The following TGM6 variants were observed in gnomAD, a reference collection of about 807,000 sequenced individuals.
TGM6 encodes the protein protein-glutamine gamma-glutamyltransferase 6.
Under a neutral mutation model 77.5 loss-of-function variants are expected in TGM6, and 74 were observed. The observed-to-expected ratio is 0.96, with a 90% CI of 0.79 to 1.16. TGM6 has a LOEUF of 1.16. Among genes scored for constraint, TGM6 ranks in the 50% most tolerant of loss-of-function variants. The pLI, the probability that TGM6 is intolerant of heterozygous loss-of-function variation, is 0.00. For synonymous variants in TGM6, 383 were observed against 378.9 expected, an observed-to-expected ratio of 1.01 and a Z score of -0.12; for missense variants, 968 against 940.2, an observed-to-expected ratio of 1.03 and a Z score of -0.39.
intron 5 of TGM6, 149 bp from the exon 6 acceptor site, chr20:2,399,412 C>A: frequency 1.0e-6 from 1 of 975,696 alleles, no homozygotes; most frequent in Non-Finnish European, 1.6e-6. Flanking sequence ...TATTTTAAGG[C>A]AACAGATGCC....
intron 8 of TGM6, 21 bp from the exon 9 acceptor site, chr20:2,403,560 A>G (rs906857263): frequency 1.2e-6 from 2 of 1,614,076 alleles, no homozygotes; most frequent in Non-Finnish European, 1.7e-6. Flanking sequence ...CATGCTGCTC[A>G]TGCCCACCCC....
chr20:2,399,419 T>A (rs1176748933), intron 5 of TGM6, 142 bp from the exon 6 acceptor site: 31 of 1,042,774 alleles, frequency 3.0e-5, no homozygotes, highest in Admixed American at 2.0e-4. Context: ...AGGCAACAGA[T>A]GCCCCTAATT....
intron 1 of TGM6, among the ~76,000 whole-genome samples, chr20:2,384,308 T>C (rs1035724893): frequency 3.3e-5 from 5 of 151,424 alleles, no homozygotes; most frequent in African/African-American, 1.2e-4. Flanking sequence ...GTATAATTAC[T>C]ACCCCATTTA....
At chr20:2,410,639 C>A (rs1004462516) in intron 9 of TGM6, among the ~76,000 whole-genome samples, 2 of 152,044 alleles carry the variant, frequency 1.3e-5, no homozygotes, top group Non-Finnish European at 2.9e-5. Context: ...GGACTGAGCC[C>A]TTCAACGTGT....
chr20:2,395,242 C>T lies in TGM6; in HGVS notation c.230C>T (p.Ser77Leu), dbSNP rs769790424. ...ALHTKAVFQT[S>L]ELERGEGWTA... is the part of the protein sequence containing the mutation. ...CACACCAAAGCTGTGTTCCAGACAT[C>T]GGAGCTGGAGCGGGGTGAGGGCTGG... The change falls in exon 3 of 13, where the codon TCG (serine) becomes TTG (leucine). Residue 77 changes from serine to leucine, a missense_variant. Transcript: ENST00000202625. 1.5e-5 allele frequency: 24 copies of T among 1,613,910 alleles called. No individual in the cohort carries two copies. The highest frequency in any genetic ancestry group is 1.2e-4 in the Admixed American group (7 of 59,992).
In TGM6 at chr20:2,381,107, A is replaced by G. The variant is rs1170273611; in HGVS notation, c.7+132A>G. 3.0e-6 allele frequency: 4 copies of G among 1,348,282 alleles called. No individual in the cohort carries two copies. The East Asian group carries it at 9.9e-5, about 33-fold the overall frequency. The allele number at this position is 1,348,282 out of a possible 1,614,324, so 83.5% of individuals were successfully genotyped here. A position where few individuals can be genotyped will look rare whatever the true frequency, so the allele number is the denominator to read the frequency against. Reference sequence around the variant, plus strand: ...CAGCTGGATAGTCCACCATGAACACATGAACTCTTCGTGTGGATTCATGAG... The same window carrying G: ...CAGCTGGATAGTCCACCATGAACACGTGAACTCTTCGTGTGGATTCATGAG... On this transcript the variant is annotated intron_variant, in intron 1 of 12. Coordinates refer to ENST00000202625, the MANE Select transcript of TGM6 (RefSeq NM_198994.3).
chr20:2,403,382 C>G lies in TGM6; in HGVS notation c.990-15C>G. 6.2e-7 allele frequency: 1 copy of G among 1,614,080 alleles called. No individual in the cohort carries two copies. The highest frequency in any genetic ancestry group is 8.5e-7 in the Non-Finnish European group (1 of 1,180,016). On this transcript the variant is annotated splice_polypyrimidine_tract_variant and intron_variant, in intron 7 of 12. Coordinates refer to ENST00000202625, the MANE Select transcript of TGM6 (RefSeq NM_198994.3). ...CTCACTCTAGGCAGCTTCACCCATC[C>G]TCTCTCTGTGGCAGGAATTTCCATG... is the stretch of plus-strand genomic sequence containing the variant.
intron 1 of TGM6, among the ~76,000 whole-genome samples, chr20:2,386,850 GACCCA>G (rs2084599860): frequency 1.3e-5 from 2 of 152,172 alleles, no homozygotes; most frequent in African/African-American, 4.8e-5. Context: ...TTGAACCCAT[GACCCA>G]GGGTCCAGCA....
intron 1 of TGM6, among the ~76,000 whole-genome samples, chr20:2,393,406 G>A (rs1390314113): frequency 1.3e-5 from 2 of 152,148 alleles, no homozygotes; most frequent in African/African-American, 4.8e-5. Context: ...GCTGTCTCAT[G>A]TTCCTAGGAG....
chr20:2,418,942 T>G (rs1267702505), intron 10 of TGM6, among the ~76,000 whole-genome samples: 1 of 152,148 alleles, frequency 6.6e-6, no homozygotes, highest in Non-Finnish European at 1.5e-5. Context: ...CCGGGCATGG[T>G]GGCACACGCC....
At chr20:2,396,348 C>A (rs908925024) in intron 3 of TGM6, among the ~76,000 whole-genome samples, 158 bp from the exon 4 acceptor site, 6 of 151,972 alleles carry the variant, frequency 3.9e-5, no homozygotes, top group Non-Finnish European at 8.8e-5. Flanking sequence ...TGGAGTTTGG[C>A]AGGGAGGCAG....
At position 2,394,438 on chromosome 20, in the gene TGM6, C is replaced by A. The variant is rs750340581; in HGVS notation, c.8-14C>A. ...GAGGCCGTGGCCTCATCTCCCTGTC[C>A]TCTCCCCACCCAGGGATCAGAGTCA... On this transcript the variant is annotated splice_polypyrimidine_tract_variant and intron_variant, in intron 1 of 12. Transcript: ENST00000202625. 1.9e-6 allele frequency: 3 copies of A among 1,611,024 alleles called. No homozygotes were observed. The highest frequency in any genetic ancestry group is 1.7e-5 in the Admixed American group (1 of 60,000).
chr20:2,422,321 T>G (rs550863206), intron 10 of TGM6, among the ~76,000 whole-genome samples: 1 of 152,330 alleles, frequency 6.6e-6, no homozygotes, highest in South Asian at 2.1e-4. Context: ...GCACCATTTG[T>G]TGACTATCTT....
In TGM6 at chr20:2,383,520, A is replaced by C. The variant is rs115206676; in HGVS notation, c.7+2545A>C. On this transcript the variant is annotated intron_variant, in intron 1 of 12. Coordinates refer to ENST00000202625, the MANE Select transcript of TGM6 (RefSeq NM_198994.3). ...AAGTGATGGGCAGGGCCTGACTGTC[A>C]AGGACCTTCAATGCCAACAAGATGG... 5.9e-3 allele frequency among the ~76,000 whole-genome samples: 898 copies of C among 152,326 alleles called. 9 individuals carry two copies. Among genetic ancestry groups the C allele is most frequent in the African/African-American group, 0.02 (845 of 41,568 alleles).
intron 2 of TGM6, 105 bp downstream of exon 2, chr20:2,394,730 A>G: frequency 7.6e-7 from 1 of 1,307,754 alleles, no homozygotes; most frequent in Non-Finnish European, 1.1e-6. Context: ...CTCTGGGGGA[A>G]GCAAGTCACT....
intron 1 of TGM6, among the ~76,000 whole-genome samples, chr20:2,386,635 G>A (rs531256313): frequency 6.6e-6 from 1 of 152,064 alleles, no homozygotes; most frequent in Admixed American, 6.6e-5. Flanking sequence ...CCAAGAATTC[G>A]GCCAAGGGAA....
chr20:2,417,111 CA>C, intron 9 of TGM6, 120 bp from the exon 10 acceptor site: 1 of 860,596 alleles, frequency 1.2e-6, no homozygotes, highest in Non-Finnish European at 1.8e-6. Flanking sequence ...GAGAATCAAA[CA>C]CAAGGCATGT....
chr20:2,421,866 TCA>T (rs2084858528), intron 10 of TGM6, among the ~76,000 whole-genome samples: 1 of 152,164 alleles, frequency 6.6e-6, no homozygotes. Context: ...ATGTGGTGGC[TCA>T]CGGCTGTAAT....
At chr20:2,407,382 G>A (rs1211556064) in intron 9 of TGM6, among the ~76,000 whole-genome samples, 1 of 152,176 alleles carries the variant, frequency 6.6e-6, no homozygotes, top group Non-Finnish European at 1.5e-5. Context: ...ACTTTGGGAG[G>A]CCAAGGTGGG....
Sources: allele counts gnomAD v4.1 joint callset (sites outside exome capture counted in the v4.1 genomes callset), GRCh38; gene constraint gnomAD v4.1.1; transcripts MANE v1.5; gene names NCBI Gene and HGNC (gene_info 2026-07-23, HGNC 2026-07-21).